The following NARF variants were observed in gnomAD, a reference collection of about 807,000 sequenced individuals.
NARF encodes the protein iron-only hydrogenase-like protein 2.
A neutral mutation model predicts 48.0 loss-of-function variants in NARF; 41 were observed. The ratio of observed to expected loss-of-function variants is 0.85; its 90% CI spans 0.66 to 1.11. NARF has a LOEUF of 1.11. Among genes scored for constraint, NARF ranks in the 50% least tolerant of loss-of-function variants. The pLI is 0.00. For synonymous variants in NARF, 215 were observed against 225.5 expected, an observed-to-expected ratio of 0.95 and a Z score of 0.42; for missense variants, 613 against 590.2, an observed-to-expected ratio of 1.04 and a Z score of -0.40.
In NARF at chr17:82,461,732, C is replaced by T. The variant is rs73999926; in HGVS notation, c.108+1660C>T. Among the ~76,000 whole-genome samples, 1,375 of 152,346 alleles carry T rather than the reference C, an allele frequency of 9.0e-3. 26 individuals carry two copies. Among genetic ancestry groups the T allele is most frequent in the African/African-American group, 0.031 (1,285 of 41,580 alleles). ...GGTGTTGGGAGAGGTTAAGGTCAGT[C>T]TACCCTTAGAAAGTACTAGTACCAG... is the stretch of plus-strand genomic sequence containing the variant. On this transcript the variant is annotated intron_variant, in intron 2 of 10. Coordinates refer to ENST00000309794, the MANE Select transcript of NARF (RefSeq NM_012336.4).
chr17:82,487,672 A>G (rs2044126157), intron 10 of NARF, among the ~76,000 whole-genome samples: 1 of 151,946 alleles, frequency 6.6e-6, no homozygotes. Flanking sequence ...CCTTAAGACT[A>G]TCCCGGCTGG....
rs757120158 is a variant in NARF, at chr17:82,478,859, G to A, written c.580G>A (p.Ala194Thr). 44 of 1,613,778 alleles carry A rather than the reference G, an allele frequency of 2.7e-5. No individual in the cohort carries two copies. The East Asian group carries it at 3.1e-4, about 11-fold the overall frequency. Residue 194 changes from alanine (A) to threonine (T), a missense_variant, in exon 6 of 11, where the codon GCC becomes ACC. Transcript: ENST00000309794. ...CCCCATCACTGCCCACCTCTGCACCGCCAAGTCCCCCCAGCAGGTCATGGG... is the reference window on the plus strand; with the variant it reads ...CCCCATCACTGCCCACCTCTGCACCACCAAGTCCCCCCAGCAGGTCATGGG... ...GRPITAHLCT[A>T]KSPQQVMGSL...
chr17:82,489,828 A>G lies in NARF; in HGVS notation c.*1671A>G, dbSNP rs983406716. 6.6e-6 allele frequency: 1 copy of G among 151,196 alleles called. No homozygotes were observed. The highest frequency in any genetic ancestry group is 6.7e-5 in the Admixed American group (1 of 15,022). 9.4% of individuals were successfully genotyped at this position (151,196 alleles called of 1,614,324 possible). A position where few individuals can be genotyped will look rare whatever the true frequency, so the allele number is the denominator to read the frequency against. The stretch of plus-strand genomic sequence containing the variant: ...CTACATGGGAGACTCTGTCTCTACA[A>G]ATTTTTTTTTTTTTTTTGAGACAGA... On this transcript the variant is annotated 3_prime_UTR_variant, in exon 11 of 11. Transcript: ENST00000309794.
chr17:82,460,454 G>C (rs1254508227), intron 2 of NARF: 1 of 156,666 alleles, frequency 6.4e-6, no homozygotes, highest in Admixed American at 6.5e-5. Flanking sequence ...AACAGAGTGA[G>C]ACTCTGTCCC....
intron 3 of NARF, among the ~76,000 whole-genome samples, chr17:82,467,654 G>A (rs1291579580): frequency 1.3e-5 from 2 of 151,836 alleles, no homozygotes; most frequent in Non-Finnish European, 2.9e-5. Context: ...ACAGGCACAT[G>A]CCACCACACC....
chr17:82,465,491 G>A (rs1027151931), intron 3 of NARF, among the ~76,000 whole-genome samples: 1 of 152,172 alleles, frequency 6.6e-6, no homozygotes, highest in African/African-American at 2.4e-5. Context: ...ACAAGTGGGT[G>A]GCATAGGGGA....
At chr17:82,458,515 G>A, upstream of NARF, 1 of 386,090 alleles carries the variant, frequency 2.6e-6, no homozygotes, top group East Asian at 3.9e-5. Flanking sequence ...CGCCGTACGT[G>A]GAGTGAGCCT....
chr17:82,479,804 T>G lies in NARF; in HGVS notation c.639+886T>G, dbSNP rs1264134625. The G allele has an allele frequency of 2.6e-5, 4 of 152,220 alleles. No individual in the cohort carries two copies. The South Asian group carries it at 6.2e-4, about 24-fold the overall frequency. The allele number at this position is 152,220 out of a possible 1,614,324, so 9.4% of individuals were successfully genotyped here. ...CTTCTATCTAGTTTCTTTCTACCCA[T>G]AAAGTCATAATTTGGCAAATTATAA... On this transcript the variant is annotated intron_variant, in intron 6 of 10. Coordinates refer to ENST00000309794, the MANE Select transcript of NARF (RefSeq NM_012336.4).
intron 9 of NARF, 61 bp from the exon 10 acceptor site, chr17:82,485,436 G>GTGT (rs2044075997): frequency 5.8e-6 from 8 of 1,385,620 alleles, no homozygotes; most frequent in Non-Finnish European, 7.9e-6. Context: ...AAAAAAGGAA[G>GTGT]TGTTCTTAAG....
chr17:82,466,790 C>A (rs976027761), intron 3 of NARF, among the ~76,000 whole-genome samples: 2 of 151,970 alleles, frequency 1.3e-5, no homozygotes, highest in East Asian at 1.9e-4. Flanking sequence ...TCAAATTGTT[C>A]CAGCATCTTC....
In NARF at chr17:82,481,229, G is replaced by A. The variant is rs368922805; in HGVS notation, c.769+18G>A. On this transcript the variant is annotated intron_variant, in intron 7 of 10. Coordinates refer to ENST00000309794, the MANE Select transcript of NARF (RefSeq NM_012336.4). ...AACATCAGGTGAGAGGTGGGCGGGG[G>A]TGCACCTGGGCGCTGGGGTAATCTC... 1 of 1,613,010 alleles carries A rather than the reference G, an allele frequency of 6.2e-7. No individual in the cohort carries two copies. Among genetic ancestry groups the A allele is most frequent in the Non-Finnish European group, 8.5e-7 (1 of 1,179,946 alleles).
intron 5 of NARF, among the ~76,000 whole-genome samples, chr17:82,473,378 T>C (rs1209990432): frequency 6.8e-6 from 1 of 146,976 alleles, no homozygotes; most frequent in East Asian, 2.1e-4. Context: ...CATTGCAACC[T>C]CCACCTCCCA....
intron 1 of NARF, chr17:82,459,144 G>T (rs568657358): frequency 1.0e-5 from 12 of 1,151,204 alleles, no homozygotes; most frequent in Non-Finnish European, 1.2e-5. Flanking sequence ...GTCGTGGCGG[G>T]AATGATCAGA....
rs2043946941 is a variant in NARF, at chr17:82,480,874, G to A, written c.640-208G>A. The A allele has an allele frequency of 4.9e-6, 3 of 606,828 alleles. 1 individual carries two copies. In the South Asian group the frequency reaches 6.1e-5, roughly 12 times the overall value. 37.6% of individuals were successfully genotyped at this position (606,828 alleles called of 1,614,324 possible). On this transcript the variant is annotated intron_variant, in intron 6 of 10. Transcript: ENST00000309794. ...TTGAACCCGGGAGGCAGAGTTTGCA[G>A]TGAGCTGAGATCACGCCACTGCACT... is the stretch of plus-strand genomic sequence containing the variant.
intron 2 of NARF, 34 bp from the exon 3 acceptor site, chr17:82,464,253 T>C (rs1490629879): frequency 1.2e-5 from 19 of 1,605,424 alleles, no homozygotes; most frequent in Non-Finnish European, 1.6e-5. Flanking sequence ...AGAGTATTTG[T>C]TGAATAATCA....
In NARF at chr17:82,458,753, C is replaced by T. The variant is rs916794332; in HGVS notation, c.-51C>T. ...GGCGGGCAGTGGTGTCCCAGTCTCC[C>T]GGTGCTTCCCTGAGGCTGAGGCGCC... is the stretch of plus-strand genomic sequence containing the variant. On this transcript the variant is annotated 5_prime_UTR_variant, in exon 1 of 11. Transcript: ENST00000309794. 3 of 1,476,598 alleles carry T rather than the reference C, an allele frequency of 2.0e-6. No individual in the cohort carries two copies. Among genetic ancestry groups the T allele is most frequent in the South Asian group, 1.3e-5 (1 of 74,354 alleles). The allele number at this position is 1,476,598 out of a possible 1,614,324, so 91.5% of individuals were successfully genotyped here.
intron 2 of NARF, 35 bp downstream of exon 2, chr17:82,460,107 G>C: frequency 6.4e-7 from 1 of 1,556,516 alleles, no homozygotes; most frequent in Non-Finnish European, 8.9e-7. Flanking sequence ...TCAGCCCAGA[G>C]TAAACTACTG....
At chr17:82,459,862 G>C (rs2043389967) in intron 1 of NARF, 130 bp from the exon 2 acceptor site, 2 of 687,714 alleles carry the variant, frequency 2.9e-6, no homozygotes, top group Middle Eastern at 3.8e-4. Flanking sequence ...GCGAGACTCC[G>C]TCTAAAAAAA....
At chr17:82,458,567 C>T (rs911561230), upstream of NARF, 5 of 482,426 alleles carry the variant, frequency 1.0e-5, no homozygotes, top group African/African-American at 8.1e-5. Context: ...GGGGCCTGGC[C>T]CGCCCCTTCC....
Sources: gnomAD v4.1 joint callset for allele counts (sites outside exome capture counted in the v4.1 genomes callset) on GRCh38, gnomAD v4.1.1 for gene constraint, MANE v1.5 for transcripts, NCBI Gene and HGNC (gene_info 2026-07-23, HGNC 2026-07-21) for gene names.